GRIA1: variants seen among roughly 807,000 people sequenced by gnomAD.
The protein encoded by GRIA1 is glutamate receptor 1.
In GRIA1, 31 loss-of-function variants were observed where a neutral mutation model predicts 99.2. The ratio of observed to expected loss-of-function variants is 0.31; its 90% CI spans 0.23 to 0.42. The LOEUF is 0.42. GRIA1 is among the 10% of genes least tolerant of loss of function. GRIA1 has a pLI of 1.00. For synonymous variants in GRIA1, 438 were observed against 432.4 expected (o/e 1.01, Z -0.16); for missense variants, 782 against 1,157.5 (o/e 0.68, Z 4.71).
chr5:153,664,155 A>G (rs181879921), intron 5 of GRIA1, among the ~76,000 whole-genome samples: 1 of 152,318 alleles, frequency 6.6e-6, no homozygotes, highest in African/African-American at 2.4e-5. Context: ...AATAGAGAAT[A>G]CAATGGGAGG....
At position 153,499,033 on chromosome 5, in the gene GRIA1, C is replaced by A. The variant is rs556697758; in HGVS notation, c.220+4968C>A. On this transcript the variant is annotated intron_variant, in intron 2 of 15. Coordinates refer to ENST00000285900, the MANE Select transcript of GRIA1 (RefSeq NM_000827.4). Reference sequence around the variant, plus strand: ...AATAAAAGACACAAAAGATGTATAACTCCTACTCTCAAAAAAATTAGTGTG... The same window carrying A: ...AATAAAAGACACAAAAGATGTATAAATCCTACTCTCAAAAAAATTAGTGTG... Among the ~76,000 whole-genome samples, 109 of 152,294 alleles carry A rather than the reference C, an allele frequency of 7.2e-4. No individual in the cohort carries two copies. The South Asian group carries it at 0.019, about 27-fold the overall frequency.
chr5:153,674,988 T>C (rs1251946972), intron 6 of GRIA1, among the ~76,000 whole-genome samples: 1 of 152,150 alleles, frequency 6.6e-6, no homozygotes, highest in Non-Finnish European at 1.5e-5. Flanking sequence ...ATACGGCTGC[T>C]GCCTAATAGT....
chr5:153,683,013 G>C (rs984194385), intron 7 of GRIA1, among the ~76,000 whole-genome samples: 7 of 152,176 alleles, frequency 4.6e-5, no homozygotes, highest in Admixed American at 2.6e-4. Flanking sequence ...GGAGTTGAGG[G>C]CGCCAGGATG....
chr5:153,602,254 A>G (rs1765036623), intron 2 of GRIA1, among the ~76,000 whole-genome samples: 1 of 152,114 alleles, frequency 6.6e-6, no homozygotes, highest in Non-Finnish European at 1.5e-5. Context: ...ATTGGAAATC[A>G]TCATTCTCAG....
At chr5:153,540,710 G>T (rs72800756) in intron 2 of GRIA1, among the ~76,000 whole-genome samples, 22 of 152,204 alleles carry the variant, frequency 1.4e-4, no homozygotes, top group African/African-American at 5.1e-4. Flanking sequence ...GCAGATGGGG[G>T]AAAGTGCTTT....
chr5:153,580,755 A>G (rs1762976298), intron 2 of GRIA1, among the ~76,000 whole-genome samples: 1 of 152,150 alleles, frequency 6.6e-6, no homozygotes, highest in African/African-American at 2.4e-5. Context: ...ATCTCATTAG[A>G]AGCTGAAATT....
At chr5:153,492,185 T>A in intron 1 of GRIA1, 1 of 1,524,024 alleles carries the variant, frequency 6.6e-7, no homozygotes, top group Non-Finnish European at 8.8e-7. Flanking sequence ...CAATTGATAT[T>A]TTGTCGGGCA....
intron 8 of GRIA1, among the ~76,000 whole-genome samples, chr5:153,695,987 T>C (rs2149509721): frequency 6.6e-6 from 1 of 152,296 alleles, no homozygotes; most frequent in Admixed American, 6.5e-5. Flanking sequence ...GTCTTGTCCA[T>C]GAGAAACTCA....
intron 2 of GRIA1, among the ~76,000 whole-genome samples, chr5:153,597,960 C>T (rs1017618100): frequency 2.0e-5 from 3 of 152,026 alleles, no homozygotes; most frequent in Non-Finnish European, 4.4e-5. Context: ...TGCAGTAAGC[C>T]ATGTTCATGC....
intron 2 of GRIA1, among the ~76,000 whole-genome samples, chr5:153,522,850 G>A (rs1157880857): frequency 1.3e-5 from 2 of 152,112 alleles, no homozygotes; most frequent in Admixed American, 1.3e-4. Flanking sequence ...CTCAGAGGAA[G>A]GTTTTGAGGA....
chr5:153,778,232 T>A (rs558989200), intron 13 of GRIA1, among the ~76,000 whole-genome samples: 3 of 149,532 alleles, frequency 2.0e-5, no homozygotes, highest in South Asian at 4.2e-4. Flanking sequence ...TGTGTTTCAA[T>A]AGAGACTGGA....
At chr5:153,714,594 TG>T (rs1396665443) in intron 11 of GRIA1, among the ~76,000 whole-genome samples, 1 of 152,196 alleles carries the variant, frequency 6.6e-6, no homozygotes, top group African/African-American at 2.4e-5. Context: ...AAACCCTCAC[TG>T]GATATATGGC....
chr5:153,647,857 C>T (rs1390033045), intron 3 of GRIA1, among the ~76,000 whole-genome samples: 5 of 152,160 alleles, frequency 3.3e-5, no homozygotes, highest in Admixed American at 3.3e-4. Flanking sequence ...TTCTGGAATG[C>T]ACTTCCCTTC....
intron 2 of GRIA1, among the ~76,000 whole-genome samples, chr5:153,624,298 C>T (rs1250463228): frequency 6.6e-6 from 1 of 152,252 alleles, no homozygotes; most frequent in Non-Finnish European, 1.5e-5. Context: ...CTAACCGTGA[C>T]TCAGCACAGC....
At chr5:153,677,554 G>C (rs1349175518) in intron 7 of GRIA1, among the ~76,000 whole-genome samples, 1 of 152,204 alleles carries the variant, frequency 6.6e-6, no homozygotes, top group Admixed American at 6.5e-5. Context: ...CATTGTATGA[G>C]AGCCTGGGGT....
rs1031503129 is a variant in GRIA1, at chr5:153,690,716, A to G, written c.1134+4387A>G. ...GAAATAACAGAGTACCTTAAAATCC[A>G]TGAGCAAATGGTTGTGCTTTAGTTT... On this transcript the variant is annotated intron_variant, in intron 8 of 15. Transcript: ENST00000285900. 4.6e-5 allele frequency among the ~76,000 whole-genome samples: 7 copies of G among 152,184 alleles called. No individual in the cohort carries two copies. The South Asian group carries it at 1.0e-3, about 22-fold the overall frequency.
intron 11 of GRIA1, among the ~76,000 whole-genome samples, chr5:153,727,985 C>T (rs908754405): frequency 2.0e-5 from 3 of 151,474 alleles, no homozygotes; most frequent in Non-Finnish European, 1.5e-5. Context: ...TCAAACTATA[C>T]TACAAGGCTA....
intron 5 of GRIA1, among the ~76,000 whole-genome samples, chr5:153,659,424 A>G (rs1460574101): frequency 6.6e-6 from 1 of 152,178 alleles, no homozygotes; most frequent in Non-Finnish European, 1.5e-5. Context: ...TGGAACACAC[A>G]AGTGCTGAGC....
intron 11 of GRIA1, among the ~76,000 whole-genome samples, chr5:153,746,161 C>T (rs1272535982): frequency 6.8e-6 from 1 of 147,042 alleles, no homozygotes; most frequent in African/African-American, 2.5e-5. Flanking sequence ...TTTACTGCCT[C>T]GGAAAGAGCT....
Sources: allele counts gnomAD v4.1 joint callset (sites outside exome capture counted in the v4.1 genomes callset), GRCh38; gene constraint gnomAD v4.1.1; transcripts MANE v1.5; gene names NCBI Gene and HGNC (gene_info 2026-07-23, HGNC 2026-07-21).